The following CLEC1A variants were observed in gnomAD, a reference collection of about 807,000 sequenced individuals.
The protein encoded by CLEC1A is C-type lectin-like receptor-1.
In CLEC1A, 34 loss-of-function variants were observed where a neutral mutation model predicts 28.7. The observed-to-expected ratio is 1.18, with a 90% CI of 0.90 to 1.57. The LOEUF is 1.57. CLEC1A is among the 40% of genes most tolerant of loss of function. The pLI is 0.00. For synonymous variants in CLEC1A, 116 were observed against 121.0 expected (o/e 0.96, Z 0.27); for missense variants, 385 against 339.5 (o/e 1.13, Z -1.05).
chr12:10,098,157 A>G (rs1473372243), intron 1 of CLEC1A, among the ~76,000 whole-genome samples: 2 of 152,246 alleles, frequency 1.3e-5, no homozygotes, highest in East Asian at 3.9e-4. Flanking sequence ...CACTGAATGA[A>G]TGTTAAAATG....
At chr12:10,090,126 TCAAA>T (rs542127348) in intron 1 of CLEC1A, among the ~76,000 whole-genome samples, 212 of 152,288 alleles carry the variant, frequency 1.4e-3, no homozygotes, top group Admixed American at 3.5e-3. Context: ...AGTGAAACCC[TCAAA>T]CAAACTGTGA....
At position 10,070,595 on chromosome 12, in the gene CLEC1A, C is replaced by T. The variant is rs969146272; in HGVS notation, c.*738G>A. ...TTACAGGTGCAGATGAAGAGGCTCA[C>T]TTTTTTCTGGTCTTTAATCTCTCTG... On this transcript the variant is annotated 3_prime_UTR_variant, in exon 6 of 6. Coordinates refer to ENST00000315330, the MANE Select transcript of CLEC1A (RefSeq NM_016511.4). The T allele has an allele frequency of 6.6e-6, 1 of 152,162 alleles. No homozygotes were observed. Among genetic ancestry groups the T allele is most frequent in the Non-Finnish European group, 1.5e-5 (1 of 68,030 alleles). 9.4% of individuals were successfully genotyped at this position (152,162 alleles called of 1,614,324 possible).
intron 2 of CLEC1A, among the ~76,000 whole-genome samples, chr12:10,082,856 A>C (rs1324112159): frequency 1.3e-5 from 2 of 152,242 alleles, no homozygotes; most frequent in East Asian, 1.9e-4. Flanking sequence ...TCCTGAGTGC[A>C]TCCATCTGAC....
chr12:10,088,884 A>G (rs1267351427), intron 2 of CLEC1A, among the ~76,000 whole-genome samples: 1 of 152,176 alleles, frequency 6.6e-6, no homozygotes. Flanking sequence ...TGACATACAA[A>G]CAAACAGACA....
At chr12:10,072,282 A>G (rs569059724) in intron 5 of CLEC1A, among the ~76,000 whole-genome samples, 1 of 152,316 alleles carries the variant, frequency 6.6e-6, no homozygotes, top group East Asian at 1.9e-4. Flanking sequence ...GAAGCCAAGC[A>G]GATGCTTGTA....
rs781448638 is a variant in CLEC1A at position 10,089,134 on chromosome 12, C to CA, written c.203dup (p.Leu70AlafsTer50). The CA allele has an allele frequency of 1.5e-4, 237 of 1,613,438 alleles. No homozygotes were observed. The highest frequency in any genetic ancestry group is 3.0e-5 in the Non-Finnish European group (35 of 1,179,530). On this transcript the variant is annotated frameshift_variant, in exon 2 of 6. Coordinates refer to ENST00000315330, the MANE Select transcript of CLEC1A (RefSeq NM_016511.4). LOFTEE classifies it high-confidence loss of function. Reference sequence around the variant, plus strand: ...AGAGCGCAGACTTACACAAAAGCCCCAGGGCTGCCAGCCCTATCAGCAGCA... The same window carrying CA: ...AGAGCGCAGACTTACACAAAAGCCCCAAGGGCTGCCAGCCCTATCAGCAGCA...
At chr12:10,089,562 C>T (rs3825300) in intron 1 of CLEC1A, among the ~76,000 whole-genome samples, 118,852 of 151,708 alleles carry the variant, frequency 0.78, 47,894 homozygotes, top group Middle Eastern at 0.88. Context: ...AAGACTCTCA[C>T]GAAAATGTCT....
At position 10,098,907 on chromosome 12, in the gene CLEC1A, T is replaced by C. The variant is rs746575282; in HGVS notation, c.16A>G (p.Ser6Gly). 50 of 1,612,284 alleles carry C rather than the reference T, an allele frequency of 3.1e-5. No individual in the cohort carries two copies. The highest frequency in any genetic ancestry group is 1.8e-4 in the South Asian group (16 of 90,692). MQAKY[S>G]STRDMLDDDG... Reference sequence around the variant, plus strand: ...TCATCCAGCATGTCCCTCGTGCTGCTGTACTTGGCCTGCATCTGGATTCCT... The same window carrying C: ...TCATCCAGCATGTCCCTCGTGCTGCCGTACTTGGCCTGCATCTGGATTCCT... Residue 6 changes from serine to glycine, a missense_variant, in exon 1 of 6, where the codon AGC becomes GGC. Coordinates refer to ENST00000315330, the MANE Select transcript of CLEC1A (RefSeq NM_016511.4).
intron 4 of CLEC1A, among the ~76,000 whole-genome samples, chr12:10,073,980 A>G (rs912991679): frequency 2.0e-5 from 3 of 152,168 alleles, no homozygotes; most frequent in African/African-American, 7.2e-5. Flanking sequence ...CCCAATATCC[A>G]TATTTAACAT....
intron 1 of CLEC1A, among the ~76,000 whole-genome samples, chr12:10,092,233 G>T (rs1591921243): frequency 6.6e-6 from 1 of 152,152 alleles, no homozygotes; most frequent in East Asian, 1.9e-4. Context: ...GCCAGGCACG[G>T]TGGCTTAGGC....
At chr12:10,092,735 T>C (rs1469398985) in intron 1 of CLEC1A, among the ~76,000 whole-genome samples, 1 of 152,118 alleles carries the variant, frequency 6.6e-6, no homozygotes, top group Non-Finnish European at 1.5e-5. Flanking sequence ...ATAATAATTA[T>C]ATTCATGAAA....
intron 1 of CLEC1A, among the ~76,000 whole-genome samples, chr12:10,089,446 G>A (rs1866568728): frequency 1.3e-5 from 2 of 151,970 alleles, no homozygotes; most frequent in Admixed American, 1.3e-4. Flanking sequence ...CCACCCGTTT[G>A]TATCCACCCC....
Position 10,081,289 on chromosome 12 carries a change from A to T in CLEC1A, c.339T>A (p.Ser113Arg). The change falls in exon 3 of 6, where the codon AGT becomes AGA. Residue 113 changes from serine to arginine, a missense_variant. Ser to Arg is a moderately radical substitution (Grantham distance 110). Coordinates refer to ENST00000315330, the MANE Select transcript of CLEC1A (RefSeq NM_016511.4). ...AGAGTTTTTCAGCCACATGCTGCAG[A>T]CTTCCTGCAAGCTTTATATTCTGGA... ...LQVQNIKLAG[S>R]LQHVAEKLCR... The T allele has an allele frequency of 6.2e-7, 1 of 1,612,396 alleles. No homozygotes were observed. Among genetic ancestry groups the T allele is most frequent in the Admixed American group, 1.7e-5 (1 of 59,824 alleles).
At chr12:10,080,786 A>G (rs1866351270) in intron 3 of CLEC1A, among the ~76,000 whole-genome samples, 1 of 152,174 alleles carries the variant, frequency 6.6e-6, no homozygotes, top group Non-Finnish European at 1.5e-5. Flanking sequence ...TATTTTTGAT[A>G]CCCAGCCAAG....
intron 3 of CLEC1A, 92 bp downstream of exon 3, chr12:10,081,145 T>C (rs1279898323): frequency 1.7e-6 from 2 of 1,165,792 alleles, no homozygotes; most frequent in East Asian, 5.1e-5. Context: ...AGACCTCTAG[T>C]TAAATAATAC....
At position 10,098,812 on chromosome 12, in the gene CLEC1A, G is replaced by A; in HGVS notation, c.111C>T (p.Arg37=). 6.2e-7 allele frequency: 1 copy of A among 1,610,572 alleles called. No individual in the cohort carries two copies. The highest frequency in any genetic ancestry group is 2.2e-5 in the East Asian group (1 of 44,832). Reference sequence around the variant, plus strand: ...GGACTCCAGGAGACAGGGTACCTGTGCGCCGGGGCTCTGGATGCCGAGTTG... The same window carrying A: ...GGACTCCAGGAGACAGGGTACCTGTACGCCGGGGCTCTGGATGCCGAGTTG... The part of the protein sequence containing the change: ...SATTRHPEPR[R]TEHRAPSSTW... The change falls in exon 1 of 6, where the codon CGC becomes CGT. Residue 37 remains arginine, a synonymous_variant. Transcript: ENST00000315330.
intron 5 of CLEC1A, 63 bp from the exon 6 acceptor site, chr12:10,071,576 C>G: frequency 7.7e-7 from 1 of 1,297,758 alleles, no homozygotes; most frequent in Non-Finnish European, 1.1e-6. Context: ...ATATTAAATA[C>G]CCATTCTTTC....
At position 10,075,581 on chromosome 12, in the gene CLEC1A, TG is replaced by T; in HGVS notation, c.465del (p.Ser155ArgfsTer19). 1 of 1,614,088 alleles carries T rather than the reference TG, an allele frequency of 6.2e-7. No individual in the cohort carries two copies. The highest frequency in any genetic ancestry group is 8.5e-7 in the Non-Finnish European group (1 of 1,179,954). The stretch of plus-strand genomic sequence containing the variant: ...AAATATTTACAGTCCTCCCAACTTT[TG>T]CTGTCTTTATAGAACTGGTAGCAAT... ...GDNCYQFYKD[S>X]KSWEDCKYFC... is the part of the protein sequence containing the mutation. On this transcript the variant is annotated frameshift_variant, in exon 4 of 6. Coordinates refer to ENST00000315330, the MANE Select transcript of CLEC1A (RefSeq NM_016511.4). LOFTEE classifies it high-confidence loss of function.
chr12:10,071,166 C>A lies in CLEC1A; in HGVS notation c.*167G>T, dbSNP rs1591900088. 1 of 598,926 alleles carries A rather than the reference C, an allele frequency of 1.7e-6. No individual in the cohort carries two copies. The highest frequency in any genetic ancestry group is 2.8e-6 in the Non-Finnish European group (1 of 360,424). 37.1% of individuals were successfully genotyped at this position (598,926 alleles called of 1,614,324 possible). Reference sequence around the variant, plus strand: ...TGTGACTGTTAAATACGTGCATAAACCCAAGCTCAGAAATGCTGGTGATCC... The same window carrying A: ...TGTGACTGTTAAATACGTGCATAAAACCAAGCTCAGAAATGCTGGTGATCC... On this transcript the variant is annotated 3_prime_UTR_variant, in exon 6 of 6. Transcript: ENST00000315330.
Sources: gnomAD v4.1 joint callset for allele counts (sites outside exome capture counted in the v4.1 genomes callset) on GRCh38, gnomAD v4.1.1 for gene constraint, MANE v1.5 for transcripts, NCBI Gene and HGNC (gene_info 2026-07-23, HGNC 2026-07-21) for gene names.